The following MSRA variants were observed in gnomAD, a reference collection of about 807,000 sequenced individuals.
MSRA encodes methionine sulfoxide reductase A.
Under a neutral mutation model 31.3 loss-of-function variants are expected in MSRA, and 54 were observed. The observed-to-expected ratio is 1.73, with a 90% CI of 1.39 to 2.17. MSRA has a LOEUF of 2.17. Among genes scored for constraint, MSRA ranks in the 30% most tolerant of loss-of-function variants. The pLI, the probability that MSRA is intolerant of heterozygous loss-of-function variation, is 0.00. For synonymous variants in MSRA, 169 were observed against 116.5 expected (o/e 1.45, Z -2.90); for missense variants, 507 against 300.9 (o/e 1.69, Z -5.07).
At chr8:10,232,006 A>C (rs921529395) in intron 2 of MSRA, among the ~76,000 whole-genome samples, 7 of 152,244 alleles carry the variant, frequency 4.6e-5, no homozygotes, top group Non-Finnish European at 8.8e-5. Context: ...TGTTACTTTG[A>C]ACAGTCAGCA....
At chr8:10,334,186 TTATG>T (rs1448050443) in intron 5 of MSRA, among the ~76,000 whole-genome samples, 1 of 88,240 alleles carries the variant, frequency 1.1e-5, no homozygotes, top group Non-Finnish European at 2.6e-5. Flanking sequence ...GTGTGTGTAT[TTATG>T]TGTGTGTGTG....
chr8:10,391,222 A>C (rs1232128090), intron 5 of MSRA, among the ~76,000 whole-genome samples: 1 of 152,194 alleles, frequency 6.6e-6, no homozygotes, highest in Non-Finnish European at 1.5e-5. Flanking sequence ...ACACACCCCA[A>C]GTGAACCTAG....
chr8:10,262,483 G>C (rs1281727463), intron 3 of MSRA, among the ~76,000 whole-genome samples: 1 of 152,144 alleles, frequency 6.6e-6, no homozygotes, highest in Non-Finnish European at 1.5e-5. Context: ...ATGATGTGGA[G>C]TATGTTTTCT....
intron 5 of MSRA, among the ~76,000 whole-genome samples, chr8:10,327,943 C>A (rs538317328): frequency 5.4e-5 from 8 of 149,088 alleles, no homozygotes; most frequent in African/African-American, 1.5e-4. Context: ...ACAACAACAA[C>A]AACAAAAAAA....
intron 1 of MSRA, among the ~76,000 whole-genome samples, chr8:10,074,948 C>G (rs1797931279): frequency 6.6e-6 from 1 of 152,156 alleles, no homozygotes; most frequent in South Asian, 2.1e-4. Context: ...TGTGAGCCAC[C>G]ACGCCCGGCA....
Position 10,411,077 on chromosome 8 carries a change from C to T in MSRA, c.544-17071C>T, listed in dbSNP as rs566008389. The stretch of plus-strand genomic sequence containing the variant: ...AGCAGCTTAAACAGCCCGAATGAGA[C>T]CCCTCCATCTGACCTCCACTCAGGT... On this transcript the variant is annotated intron_variant, in intron 5 of 5. Coordinates refer to ENST00000317173, the MANE Select transcript of MSRA (RefSeq NM_012331.5). 29 of 152,208 alleles carry T rather than the reference C, an allele frequency of 1.9e-4. 1 individual carries two copies. In the East Asian group the frequency reaches 5.4e-3, roughly 28 times the overall value. 9.4% of individuals were successfully genotyped at this position (152,208 alleles called of 1,614,324 possible).
chr8:10,273,266 T>G (rs1417639321), intron 3 of MSRA, among the ~76,000 whole-genome samples: 1 of 152,230 alleles, frequency 6.6e-6, no homozygotes, highest in Non-Finnish European at 1.5e-5. Context: ...CCTTAAAACC[T>G]GCTCCCCAGA....
intron 1 of MSRA, among the ~76,000 whole-genome samples, chr8:10,156,814 T>C (rs1308731717): frequency 6.6e-6 from 1 of 151,204 alleles, no homozygotes; most frequent in African/African-American, 2.4e-5. Flanking sequence ...CATTCCTTTT[T>C]TTTTTTTTTT....
intron 3 of MSRA, among the ~76,000 whole-genome samples, chr8:10,254,752 C>G (rs182154304): frequency 6.6e-6 from 1 of 152,218 alleles, no homozygotes; most frequent in African/African-American, 2.4e-5. Flanking sequence ...TAAGCCTTCA[C>G]TCATTTCCAG....
At chr8:10,112,206 A>G (rs930552026) in intron 1 of MSRA, among the ~76,000 whole-genome samples, 3 of 152,334 alleles carry the variant, frequency 2.0e-5, no homozygotes, top group South Asian at 2.1e-4. Context: ...TATTCCAGAA[A>G]CAAAAGAATA....
chr8:10,128,321 C>A lies in MSRA; in HGVS notation c.142+73663C>A, dbSNP rs6601416. 9.4e-3 allele frequency among the ~76,000 whole-genome samples: 1,424 copies of A among 151,872 alleles called. 6 individuals carry two copies. The highest frequency in any genetic ancestry group is 0.013 in the Non-Finnish European group (871 of 67,992). Reference sequence around the variant, plus strand: ...TTGAACCTGGGAGGCGGAGGTTGCCCTGAGCCGAGATTGCACCATTGCACT... The same window carrying A: ...TTGAACCTGGGAGGCGGAGGTTGCCATGAGCCGAGATTGCACCATTGCACT... On this transcript the variant is annotated intron_variant, in intron 1 of 5. Transcript: ENST00000317173.
At chr8:10,254,038 C>A (rs1017705993) in intron 3 of MSRA, among the ~76,000 whole-genome samples, 3 of 151,978 alleles carry the variant, frequency 2.0e-5, no homozygotes, top group Non-Finnish European at 2.9e-5. Context: ...TCCGATCTGC[C>A]GGGGACTCCT....
intron 5 of MSRA, among the ~76,000 whole-genome samples, chr8:10,416,443 C>A (rs774003545): frequency 1.3e-5 from 2 of 152,200 alleles, no homozygotes; most frequent in Admixed American, 6.5e-5. Flanking sequence ...GTGCTCCCAG[C>A]GTGGGTTTGT....
chr8:10,194,552 CAG>C (rs1321568712), intron 1 of MSRA, among the ~76,000 whole-genome samples: 4 of 152,186 alleles, frequency 2.6e-5, no homozygotes, highest in Admixed American at 2.0e-4. Flanking sequence ...CTCATTTCCA[CAG>C]AGTGAGGAAA....
At chr8:10,086,883 AGAGAGGGAGAGG>A (rs3061509) in intron 1 of MSRA, among the ~76,000 whole-genome samples, 35 of 150,136 alleles carry the variant, frequency 2.3e-4, no homozygotes, top group African/African-American at 3.7e-4. Context: ...AGAGGGAGAG[AGAGAGGGAGAGG>A]GAGAGGGAGA....
At chr8:10,393,061 C>CAAAAAA (rs768294679) in intron 5 of MSRA, among the ~76,000 whole-genome samples, 1 of 77,688 alleles carries the variant, frequency 1.3e-5, no homozygotes, top group African/African-American at 5.6e-5. Flanking sequence ...GACTCCGTCT[C>CAAAAAA]AAAAAAAAAA....
chr8:10,236,998 A>G (rs1585239564), intron 2 of MSRA, among the ~76,000 whole-genome samples: 3 of 152,220 alleles, frequency 2.0e-5, no homozygotes, highest in Admixed American at 2.0e-4. Flanking sequence ...ATGTTAACTA[A>G]CCCTCTAGCT....
intron 3 of MSRA, among the ~76,000 whole-genome samples, chr8:10,245,899 CGG>C (rs1366932759): frequency 1.3e-5 from 2 of 152,180 alleles, no homozygotes; most frequent in African/African-American, 4.8e-5. Context: ...TATCAAGAAT[CGG>C]GACCATTATT....
chr8:10,232,801 A>G (rs1811606069), intron 2 of MSRA, among the ~76,000 whole-genome samples: 1 of 152,242 alleles, frequency 6.6e-6, no homozygotes, highest in Non-Finnish European at 1.5e-5. Context: ...ACAATCCAGT[A>G]GGACTATTGG....
Sources: allele counts gnomAD v4.1 joint callset (sites outside exome capture counted in the v4.1 genomes callset), GRCh38; gene constraint gnomAD v4.1.1; transcripts MANE v1.5; gene names NCBI Gene and HGNC (gene_info 2026-07-23, HGNC 2026-07-21).